Variants in APEH observed in about 807,000 individuals in gnomAD.
APEH encodes acylamino-acid-releasing enzyme.
APEH carries 75 observed loss-of-function variants against 102.7 expected under a neutral mutation model. The observed-to-expected ratio is 0.73, with a 90% CI of 0.61 to 0.89. APEH has a LOEUF of 0.89. APEH is among the 40% of genes least tolerant of loss of function. The probability of loss-of-function intolerance (pLI) is 0.00; values close to 1 mark genes in which losing one functional copy is unlikely to be tolerated. For missense variants in APEH, 863 were observed against 941.2 expected (o/e 0.92, Z 1.09); for synonymous variants, 344 against 362.7 (o/e 0.95, Z 0.59).
Position 49,675,614 on chromosome 3 carries a change from C to T in APEH, c.273-80C>T, listed in dbSNP as rs114468669. Reference sequence around the variant, plus strand: ...TGTGGGGCCAGAGCCTCAAGAATCTCTCCTAAGAGGTGTGCCCAGTAGGGA... The same window carrying T: ...TGTGGGGCCAGAGCCTCAAGAATCTTTCCTAAGAGGTGTGCCCAGTAGGGA... On this transcript the variant is annotated intron_variant, in intron 3 of 21. Coordinates refer to ENST00000296456, the MANE Select transcript of APEH (RefSeq NM_001640.4). 5.2e-4 allele frequency: 719 copies of T among 1,380,742 alleles called. 8 individuals carry two copies. The African/African-American group carries it at 8.6e-3, about 16-fold the overall frequency. 85.5% of individuals were successfully genotyped at this position (1,380,742 alleles called of 1,614,324 possible).
In APEH at chr3:49,676,784, C is replaced by G; in HGVS notation, c.844C>G (p.Leu282Val). The change falls in exon 9 of 22, where the codon CTG (leucine) becomes GTG (valine). Residue 282 changes from leucine (L) to valine (V), a missense_variant. By Grantham distance (32) the Leu-to-Val change is conservative. Transcript: ENST00000296456. ...IRFCTNRRSA[L>V]YYVDLIGGKC... ...TCTGTCTCGTGGTTCCAGGTCAGCC[C>G]TGTATTATGTGGACCTCATCGGGGG... 2 of 1,614,254 alleles carry G rather than the reference C, an allele frequency of 1.2e-6. No homozygotes were observed. Among genetic ancestry groups the G allele is most frequent in the Non-Finnish European group, 1.7e-6 (2 of 1,180,050 alleles).
chr3:49,682,501 G>C (rs772518587), intron 18 of APEH, 45 bp from the exon 19 acceptor site: 27 of 1,613,028 alleles, frequency 1.7e-5, no homozygotes, highest in Middle Eastern at 1.6e-4. Flanking sequence ...CCTCCATTCA[G>C]CTGAGCGGGC....
chr3:49,679,771 T>C lies in APEH; in HGVS notation c.1210+127T>C. 1.0e-6 allele frequency: 1 copy of C among 958,384 alleles called. No individual in the cohort carries two copies. Among genetic ancestry groups the C allele is most frequent in the Admixed American group, 2.1e-5 (1 of 48,342 alleles). The allele number at this position is 958,384 out of a possible 1,614,324, so 59.4% of individuals were successfully genotyped here. On this transcript the variant is annotated intron_variant, in intron 13 of 21. Transcript: ENST00000296456. This position sits in a 1 kb window ranked among gnomAD's most constrained non-coding sequence, Gnocchi z 4.3. ...CTCAGCCACTCAGCACCACTGACTG[T>C]TCCACAGCCTTTACTAACAGGTCCC... is the stretch of plus-strand genomic sequence containing the variant.
Position 49,679,115 on chromosome 3 carries a change from G to T in APEH, c.1158+166G>T, listed in dbSNP as rs1264480591. The stretch of plus-strand genomic sequence containing the variant: ...GACTCATTTCTCCTGGAGGGGACTG[G>T]CTGCCCTGGTGCACCACAGCAGAAC... On this transcript the variant is annotated intron_variant, in intron 12 of 21. Transcript: ENST00000296456. This position sits in a 1 kb window ranked among gnomAD's most constrained non-coding sequence, Gnocchi z 4.3. 6.6e-6 allele frequency among the ~76,000 whole-genome samples: 1 copy of T among 152,136 alleles called. No individual in the cohort carries two copies. Among genetic ancestry groups the T allele is most frequent in the African/African-American group, 2.4e-5 (1 of 41,408 alleles).
chr3:49,677,782 G>A (rs1332903052), intron 11 of APEH, 149 bp downstream of exon 11: 3 of 783,616 alleles, frequency 3.8e-6, no homozygotes, highest in Non-Finnish European at 6.6e-6. Flanking sequence ...GCATCCTCAG[G>A]GAGCGGGGCT....
chr3:49,674,694 C>G, intron 2 of APEH, 73 bp downstream of exon 2: 1 of 1,551,490 alleles, frequency 6.4e-7, no homozygotes, highest in Non-Finnish European at 8.7e-7. Flanking sequence ...GTGTGGAGGG[C>G]TCGCTGCTTG....
At position 49,675,925 on chromosome 3, in the gene APEH, A is replaced by C. The variant is rs746701520; in HGVS notation, c.401A>C (p.Asn134Thr). 1.2e-6 allele frequency: 2 copies of C among 1,614,178 alleles called. No individual in the cohort carries two copies. Among genetic ancestry groups the C allele is most frequent in the Non-Finnish European group, 1.7e-6 (2 of 1,180,012 alleles). The part of the protein sequence containing the change: ...WEKNRKLKSF[N>T]LSALEKHGPV... ...AAGAACCGGAAGCTCAAGAGCTTCA[A>C]CCTGTCAGCGCTGGAGAAACATGGG... The change falls in exon 5 of 22, where the codon AAC (asparagine) becomes ACC (threonine). Residue 134 changes from asparagine to threonine, a missense_variant. Physicochemically the swap from Asn to Thr is moderately conservative, Grantham distance 65. Transcript: ENST00000296456.
At chr3:49,677,710 GTTC>G in intron 11 of APEH, 77 bp downstream of exon 11, 4 of 1,400,274 alleles carry the variant, frequency 2.9e-6, no homozygotes, top group South Asian at 1.2e-5. Flanking sequence ...TCCCTGCCCC[GTTC>G]TTCTTTCCTA....
chr3:49,673,284 C>A (rs1196077848), upstream of APEH, among the ~76,000 whole-genome samples: 1 of 151,730 alleles, frequency 6.6e-6, no homozygotes, highest in Non-Finnish European at 1.5e-5. Flanking sequence ...TCCTTACTGT[C>A]CAGCCTCTCC....
rs749082305 is a variant in APEH at position 49,674,546 on chromosome 3, C to T, written c.70C>T (p.Pro24Ser). Residue 24 changes from proline to serine, a missense_variant, in exon 2 of 22, where the codon CCC (proline) becomes TCC (serine). By Grantham distance (74) the Pro-to-Ser change is moderately conservative. Transcript: ENST00000296456. The part of the protein sequence containing the change: ...AALYRGLSRQ[P>S]ALSAACLGPE... ...TCTGTATCGGGGCCTTAGCCGCCAGCCCGCGCTGAGCGCCGCCTGCCTGGG... is the reference window on the plus strand; with the variant it reads ...TCTGTATCGGGGCCTTAGCCGCCAGTCCGCGCTGAGCGCCGCCTGCCTGGG... The T allele has an allele frequency of 1.3e-6, 2 of 1,565,530 alleles. No individual in the cohort carries two copies. The highest frequency in any genetic ancestry group is 1.7e-6 in the Non-Finnish European group (2 of 1,164,292).
chr3:49,681,928 C>T lies in APEH; in HGVS notation c.1564C>T (p.Pro522Ser). 6.2e-7 allele frequency: 1 copy of T among 1,614,220 alleles called. No individual in the cohort carries two copies. The highest frequency in any genetic ancestry group is 1.1e-5 in the South Asian group (1 of 91,084). The change falls in exon 17 of 22, where the codon CCA becomes TCA. Residue 522 changes from proline to serine, a missense_variant. Coordinates refer to ENST00000296456, the MANE Select transcript of APEH (RefSeq NM_001640.4). ...SSFVTAWMLF[P>S]AMLCKMGFAV... ...CTTTGTCACTGCCTGGATGCTGTTC[C>T]CAGCCATGCTTTGCAAGATGGGCTT...
intron 6 of APEH, 45 bp downstream of exon 6, chr3:49,676,264 G>A (rs1368128954): frequency 1.2e-6 from 2 of 1,611,372 alleles, no homozygotes; most frequent in Admixed American, 3.3e-5. Context: ...CAGCCCTGGG[G>A]CTCAGTGTGC....
chr3:49,681,313 ACCT>A, intron 15 of APEH, 74 bp downstream of exon 15: 1 of 1,416,118 alleles, frequency 7.1e-7, no homozygotes. Context: ...GACCTTTGCT[ACCT>A]CCTCTCTCAC....
rs374901664 is a variant in APEH, at chr3:49,676,175, G to T, written c.562G>T (p.Asp188Tyr). ...QTKALDVSASDDEIARLKKPD... is the reference protein window; with the variant it reads ...QTKALDVSASYDEIARLKKPD... ...CAAAGCCTTGGACGTCAGTGCCAGC[G>T]ATGATGAGATAGCCAGGCTGAAGAA... The change falls in exon 6 of 22, where the codon GAT (aspartate) becomes TAT (tyrosine). Residue 188 changes from aspartate (D) to tyrosine (Y), a missense_variant. Coordinates refer to ENST00000296456, the MANE Select transcript of APEH (RefSeq NM_001640.4). 1 of 1,614,166 alleles carries T rather than the reference G, an allele frequency of 6.2e-7. No individual in the cohort carries two copies. The highest frequency in any genetic ancestry group is 1.7e-5 in the Admixed American group (1 of 60,032).
chr3:49,683,947 T>C lies in APEH; in HGVS notation c.*605T>C. On this transcript the variant is annotated 3_prime_UTR_variant, in exon 22 of 22. Transcript: ENST00000296456. The stretch of plus-strand genomic sequence containing the variant: ...GGAAGCAAAGGCTAAGAAGCATCTG[T>C]ACAGGCATAAAGAGGAAACATGGCT... 6.4e-7 allele frequency: 1 copy of C among 1,556,022 alleles called. No individual in the cohort carries two copies.
Position 49,675,182 on chromosome 3 carries a change from G to C in APEH, c.146-1G>C, listed in dbSNP as rs1222767314. 6.2e-7 allele frequency: 1 copy of C among 1,613,928 alleles called. No individual in the cohort carries two copies. The highest frequency in any genetic ancestry group is 2.2e-5 in the East Asian group (1 of 44,870). On this transcript the variant is annotated splice_acceptor_variant, in intron 2 of 21. Transcript: ENST00000296456. LOFTEE classifies it high-confidence loss of function. ...GAGCAGTCTCATGCCTCCCCTCACA[G>C]AGTGGACCCAGAGGGACCTGGAACG... is the stretch of plus-strand genomic sequence containing the variant.
chr3:49,679,311 G>A lies in APEH; in HGVS notation c.1159-282G>A, dbSNP rs1217554896. On this transcript the variant is annotated intron_variant, in intron 12 of 21. Coordinates refer to ENST00000296456, the MANE Select transcript of APEH (RefSeq NM_001640.4). The surrounding 1 kb of genome is among the most constrained non-coding windows in gnomAD (Gnocchi z 4.3). Reference sequence around the variant, plus strand: ...AGTAAAGCCACTCACAGTGTGCCAGGCTCCTTTTGGGTGTGATATTTGGTC... The same window carrying A: ...AGTAAAGCCACTCACAGTGTGCCAGACTCCTTTTGGGTGTGATATTTGGTC... Among the ~76,000 whole-genome samples the A allele has an allele frequency of 1.3e-5, 2 of 152,170 alleles. No individual in the cohort carries two copies. Among genetic ancestry groups the A allele is most frequent in the East Asian group, 3.8e-4 (2 of 5,198 alleles).
rs149887495 is a variant in APEH, at chr3:49,676,127, A to C, written c.514A>C (p.Lys172Gln). The change falls in exon 6 of 22, where the codon AAG (lysine) becomes CAG (glutamine). Residue 172 changes from lysine to glutamine, a missense_variant. Coordinates refer to ENST00000296456, the MANE Select transcript of APEH (RefSeq NM_001640.4). Reference sequence around the variant, plus strand: ...GTATGTGGCAGAGAAGAAGCGCCCCAAGGCCGAGTCCTTCTTTCAGACCAA... The same window carrying C: ...GTATGTGGCAGAGAAGAAGCGCCCCCAGGCCGAGTCCTTCTTTCAGACCAA... ...LLYVAEKKRP[K>Q]AESFFQTKAL... The C allele has an allele frequency of 1.1e-4, 184 of 1,614,118 alleles. No individual in the cohort carries two copies. Among genetic ancestry groups the C allele is most frequent in the Non-Finnish European group, 1.7e-5 (20 of 1,180,052 alleles).
At chr3:49,676,341 A>T (rs371544018) in intron 6 of APEH, 37 bp from the exon 7 acceptor site, 2 of 1,613,940 alleles carry the variant, frequency 1.2e-6, no homozygotes, top group Admixed American at 1.7e-5. Context: ...AGCAGGTCCT[A>T]TAGACAGGCT....
Sources: gnomAD v4.1 joint callset for allele counts (sites outside exome capture counted in the v4.1 genomes callset) on GRCh38, gnomAD v4.1.1 for gene constraint, Gnocchi (gnomAD v3.1) non-coding constraint, MANE v1.5 for transcripts, NCBI Gene and HGNC (gene_info 2026-07-23, HGNC 2026-07-21) for gene names.